The following CEP55 variants were observed in gnomAD, a reference collection of about 807,000 sequenced individuals.
CEP55 encodes the protein centrosomal protein 55.
A neutral mutation model predicts 63.2 loss-of-function variants in CEP55; 57 were observed. The observed-to-expected ratio is 0.90, with a 90% CI of 0.73 to 1.13. The LOEUF is 1.13. CEP55 is among the 50% of genes most tolerant of loss of function. The probability of loss-of-function intolerance (pLI) is 0.00; values close to 1 mark genes in which losing one functional copy is unlikely to be tolerated. For missense variants in CEP55, 456 were observed against 518.9 expected (o/e 0.88, Z 1.18); for synonymous variants, 178 against 191.6 (o/e 0.93, Z 0.59).
At chr10:93,520,034 T>C in intron 8 of CEP55, 1 of 548,770 alleles carries the variant, frequency 1.8e-6, no homozygotes, top group Non-Finnish European at 3.3e-6. Context: ...CCCCAGCTGC[T>C]GTGATGCTGG....
chr10:93,505,893 G>C (rs1828330513), intron 3 of CEP55, among the ~76,000 whole-genome samples: 1 of 151,910 alleles, frequency 6.6e-6, no homozygotes, highest in African/African-American at 2.4e-5. Flanking sequence ...GCCCAGGCTG[G>C]AGTAATTTTT....
At chr10:93,510,792 C>T (rs927982149) in intron 4 of CEP55, 2 of 152,198 alleles carry the variant, frequency 1.3e-5, no homozygotes, top group African/African-American at 4.8e-5. Context: ...ACCATTCCTA[C>T]TGCAGTTTTG....
chr10:93,514,063 C>T (rs2057777932), intron 4 of CEP55, among the ~76,000 whole-genome samples: 1 of 152,018 alleles, frequency 6.6e-6, no homozygotes, highest in Non-Finnish European at 1.5e-5. Flanking sequence ...GCTACCTCAG[C>T]CTCCCAAGTA....
At chr10:93,525,695 G>T (rs2057914754) in intron 8 of CEP55, among the ~76,000 whole-genome samples, 2 of 151,706 alleles carry the variant, frequency 1.3e-5, no homozygotes, top group Non-Finnish European at 2.9e-5. Flanking sequence ...TATACTACAA[G>T]GCTACAGTAA....
intron 1 of CEP55, among the ~76,000 whole-genome samples, chr10:93,497,152 A>G (rs1249018889): frequency 1.3e-5 from 2 of 152,252 alleles, no homozygotes; most frequent in Non-Finnish European, 2.9e-5. Flanking sequence ...GTCGCCTTGT[A>G]GAAGATGCGG....
At chr10:93,518,329 T>C (rs1056660341) in intron 6 of CEP55, among the ~76,000 whole-genome samples, 6 of 152,074 alleles carry the variant, frequency 3.9e-5, no homozygotes, top group South Asian at 2.1e-4. Flanking sequence ...TTTATATTTT[T>C]AGTAGAGATG....
chr10:93,510,072 G>A (rs1327267988), intron 4 of CEP55, among the ~76,000 whole-genome samples: 5 of 152,150 alleles, frequency 3.3e-5, no homozygotes, highest in East Asian at 1.9e-4. Context: ...TAAAAGCTAC[G>A]TACAGCTTCT....
chr10:93,514,185 G>A (rs1382753090), intron 4 of CEP55, among the ~76,000 whole-genome samples: 10 of 152,092 alleles, frequency 6.6e-5, no homozygotes, highest in African/African-American at 2.4e-4. Flanking sequence ...CGCCCGCCTC[G>A]GCCTCCCAAA....
At chr10:93,508,713 C>T (rs1389145006) in intron 4 of CEP55, among the ~76,000 whole-genome samples, 1 of 152,156 alleles carries the variant, frequency 6.6e-6, no homozygotes, top group Non-Finnish European at 1.5e-5. Flanking sequence ...CCCCAGATAT[C>T]TTCATGATTT....
At chr10:93,515,933 T>C (rs1390529751) in intron 5 of CEP55, among the ~76,000 whole-genome samples, 1 of 152,208 alleles carries the variant, frequency 6.6e-6, no homozygotes, top group Admixed American at 6.5e-5. Context: ...GGAGAAAGAA[T>C]GCCTTTTTTA....
intron 3 of CEP55, among the ~76,000 whole-genome samples, chr10:93,504,609 A>G (rs1017560617): frequency 2.0e-5 from 3 of 152,130 alleles, no homozygotes; most frequent in African/African-American, 7.2e-5. Flanking sequence ...GTGTATTTTC[A>G]TAGATGGGCG....
At chr10:93,520,079 G>C (rs1006660344) in intron 8 of CEP55, 26 of 448,068 alleles carry the variant, frequency 5.8e-5, no homozygotes, top group African/African-American at 5.0e-4. Context: ...GGGTCAAAAG[G>C]GTAGAATAGA....
At chr10:93,511,774 T>G (rs1246985631) in intron 4 of CEP55, among the ~76,000 whole-genome samples, 1 of 151,812 alleles carries the variant, frequency 6.6e-6, no homozygotes, top group African/African-American at 2.4e-5. Context: ...GGCTAATGTT[T>G]TGTATTTTTA....
chr10:93,502,137 A>G (rs530332150), intron 2 of CEP55, among the ~76,000 whole-genome samples: 21 of 147,446 alleles, frequency 1.4e-4, no homozygotes, highest in Non-Finnish European at 2.7e-4. Flanking sequence ...ATCATCTTGA[A>G]TAGTTTTTAG....
At chr10:93,505,511 G>T (rs902465571) in intron 3 of CEP55, among the ~76,000 whole-genome samples, 20 of 152,328 alleles carry the variant, frequency 1.3e-4, no homozygotes, top group Admixed American at 7.8e-4. Context: ...GCTGGAATCA[G>T]TCTACAGTGT....
chr10:93,497,829 G>A (rs985933977), intron 1 of CEP55, among the ~76,000 whole-genome samples: 7 of 151,832 alleles, frequency 4.6e-5, no homozygotes, highest in Admixed American at 3.9e-4. Flanking sequence ...GGAAATACAG[G>A]GAAAGGTGGC....
rs542226930 is a variant in CEP55 at position 93,517,044 on chromosome 10, T to A, written c.789T>A (p.Ser263Arg). 6 of 1,613,774 alleles carry A rather than the reference T, an allele frequency of 3.7e-6. No individual in the cohort carries two copies. Among genetic ancestry groups the A allele is most frequent in the African/African-American group, 1.3e-5 (1 of 74,882 alleles). Residue 263 changes from serine to arginine, a missense_variant, in exon 6 of 9, where the codon AGT becomes AGA. Ser to Arg is a moderately radical substitution (Grantham distance 110). Transcript: ENST00000371485. The part of the protein sequence containing the change: ...QTITQLSFEL[S>R]EFRRKYEETQ... ...TAACTCAGCTGAGTTTTGAACTGAG[T>A]GAATTTCGAAGAAAATATGAAGAAA...
Position 93,507,382 on chromosome 10 carries a change from C to T in CEP55, c.528+326C>T, listed in dbSNP as rs184946879. Among the ~76,000 whole-genome samples the T allele has an allele frequency of 1.4e-3, 208 of 151,578 alleles. 2 individuals are homozygous for T. The highest frequency in any genetic ancestry group is 4.7e-3 in the African/African-American group (194 of 41,310). Reference sequence around the variant, plus strand: ...ATTACAGGCACGAGCCACCACACTCCGCTAAGTTTTTGTATTTTTAGTAGA... The same window carrying T: ...ATTACAGGCACGAGCCACCACACTCTGCTAAGTTTTTGTATTTTTAGTAGA... On this transcript the variant is annotated intron_variant, in intron 4 of 8. Coordinates refer to ENST00000371485, the MANE Select transcript of CEP55 (RefSeq NM_018131.5).
intron 3 of CEP55, among the ~76,000 whole-genome samples, chr10:93,505,443 A>G (rs1219243858): frequency 2.0e-5 from 3 of 152,112 alleles, no homozygotes; most frequent in African/African-American, 7.2e-5. Flanking sequence ...CCTGGTATTG[A>G]CATATCTCAC....
Sources: gnomAD v4.1 joint callset for allele counts (sites outside exome capture counted in the v4.1 genomes callset) on GRCh38, gnomAD v4.1.1 for gene constraint, MANE v1.5 for transcripts, NCBI Gene and HGNC (gene_info 2026-07-23, HGNC 2026-07-21) for gene names.